TAFA1: variants seen among roughly 807,000 people sequenced by gnomAD.
The protein encoded by TAFA1 is TAFA chemokine like family member 1.
TAFA1 carries 4 observed loss-of-function variants against 18.5 expected under a neutral mutation model. The observed-to-expected ratio is 0.22, with a 90% CI of 0.11 to 0.49. The LOEUF is 0.49. Ranked by LOEUF, TAFA1 falls within the 20% of genes least tolerant of loss-of-function variation. The pLI is 0.98. For synonymous variants in TAFA1, 56 were observed against 55.2 expected, an observed-to-expected ratio of 1.01 and a Z score of -0.06; for missense variants, 147 against 169.0, an observed-to-expected ratio of 0.87 and a Z score of 0.72.
At chr3:67,992,751 TTCTC>T in the TAFA1 span, among the ~76,000 whole-genome samples, 1 of 152,192 alleles carries the variant, frequency 6.6e-6, no homozygotes, top group South Asian at 2.1e-4. Context: ...TTCTCCCTCC[TTCTC>T]TCTCTCCATC....
At chr3:68,426,634 A>G (rs947382277) in intron 3 of TAFA1, among the ~76,000 whole-genome samples, 1 of 151,900 alleles carries the variant, frequency 6.6e-6, no homozygotes, top group Admixed American at 6.6e-5. Context: ...AGACAAAAAA[A>G]TTACATTTAA....
chr3:68,310,122 A>G (rs530564712), intron 2 of TAFA1, among the ~76,000 whole-genome samples: 25 of 152,328 alleles, frequency 1.6e-4, no homozygotes, highest in African/African-American at 5.8e-4. Flanking sequence ...AATTTTTAAG[A>G]TTCAAGTACA....
intron 2 of TAFA1, among the ~76,000 whole-genome samples, chr3:68,383,192 G>C (rs546909386): frequency 6.6e-6 from 1 of 152,074 alleles, no homozygotes; most frequent in East Asian, 1.9e-4. Flanking sequence ...TCTGTTGTCT[G>C]ATTTCACCAG....
chr3:68,479,241 AATAT>A (rs397989986), intron 3 of TAFA1, among the ~76,000 whole-genome samples: 3 of 123,662 alleles, frequency 2.4e-5, no homozygotes, highest in African/African-American at 1.1e-4. Context: ...AAAAAAAAAA[AATAT>A]ATATATATAT....
chr3:68,218,199 T>G (rs1175946170), intron 2 of TAFA1, among the ~76,000 whole-genome samples: 2 of 152,084 alleles, frequency 1.3e-5, no homozygotes, highest in East Asian at 3.9e-4. Flanking sequence ...GTCCCAAGAT[T>G]TTCATTTCTT....
chr3:68,500,883 G>T (rs1393530188), intron 3 of TAFA1, among the ~76,000 whole-genome samples: 1 of 151,870 alleles, frequency 6.6e-6, no homozygotes, highest in African/African-American at 2.4e-5. Context: ...GGGGGAAAAT[G>T]GGCCAGGCAT....
At chr3:68,455,410 C>G (rs574974605) in intron 3 of TAFA1, among the ~76,000 whole-genome samples, 1 of 152,186 alleles carries the variant, frequency 6.6e-6, no homozygotes, top group South Asian at 2.1e-4. Context: ...TCTCTACCCA[C>G]CATTTGCTTT....
At chr3:68,462,541 T>C (rs2106926703) in intron 3 of TAFA1, among the ~76,000 whole-genome samples, 1 of 152,322 alleles carries the variant, frequency 6.6e-6, no homozygotes. Flanking sequence ...TATGCTGTAT[T>C]GACTATGTCT....
chr3:68,430,731 A>G (rs753619158), intron 3 of TAFA1, among the ~76,000 whole-genome samples: 28 of 151,982 alleles, frequency 1.8e-4, no homozygotes, highest in Non-Finnish European at 2.9e-4. Flanking sequence ...TGTTACCCAC[A>G]CAGGGTTGCT....
intron 2 of TAFA1, among the ~76,000 whole-genome samples, chr3:68,057,353 T>C (rs1044634576): frequency 1.3e-5 from 2 of 152,182 alleles, no homozygotes; most frequent in African/African-American, 2.4e-5. Context: ...AAAGAGGTGA[T>C]CCTGTGTATT....
intron 3 of TAFA1, among the ~76,000 whole-genome samples, chr3:68,446,205 C>A (rs1399279152): frequency 6.6e-6 from 1 of 152,074 alleles, no homozygotes; most frequent in Non-Finnish European, 1.5e-5. Flanking sequence ...CCATGCCTGG[C>A]CTATTTTTAT....
intron 2 of TAFA1, among the ~76,000 whole-genome samples, chr3:68,207,680 T>G (rs2066543759): frequency 6.6e-6 from 1 of 151,946 alleles, no homozygotes; most frequent in Non-Finnish European, 1.5e-5. Flanking sequence ...GCAATAAAAA[T>G]TTCATTAAAA....
At chr3:68,167,962 G>T (rs1287804250) in intron 2 of TAFA1, among the ~76,000 whole-genome samples, 3 of 152,016 alleles carry the variant, frequency 2.0e-5, no homozygotes, top group Non-Finnish European at 2.9e-5. Context: ...TTAAGAATCT[G>T]TGAAGACAAC....
intron 2 of TAFA1, among the ~76,000 whole-genome samples, chr3:68,135,930 G>C (rs921625358): frequency 6.6e-6 from 1 of 152,088 alleles, no homozygotes; most frequent in African/African-American, 2.4e-5. Flanking sequence ...GGGAAATTTT[G>C]CTGAAGTCTA....
intron 2 of TAFA1, among the ~76,000 whole-genome samples, chr3:68,150,863 A>T (rs2065799178): frequency 6.6e-6 from 1 of 152,168 alleles, no homozygotes; most frequent in Admixed American, 6.5e-5. Context: ...TAACAGTAAT[A>T]GCTACTTTTG....
intron 2 of TAFA1, among the ~76,000 whole-genome samples, chr3:68,070,234 C>T (rs946838546): frequency 6.6e-6 from 1 of 152,356 alleles, no homozygotes; most frequent in East Asian, 1.9e-4. Context: ...AGATGAGGTT[C>T]CCAAACCTCA....
intron 2 of TAFA1, among the ~76,000 whole-genome samples, chr3:68,416,272 T>C (rs1406128035): frequency 1.3e-5 from 2 of 152,200 alleles, no homozygotes; most frequent in Non-Finnish European, 2.9e-5. Flanking sequence ...CACAATGTTT[T>C]CTAAGTGTCC....
At chr3:68,234,832 G>C (rs1371859279) in intron 2 of TAFA1, among the ~76,000 whole-genome samples, 1 of 152,090 alleles carries the variant, frequency 6.6e-6, no homozygotes, top group Non-Finnish European at 1.5e-5. Context: ...TCACATAAAG[G>C]CAAAGTGGCA....
chr3:68,050,633 G>C (rs903087935), intron 2 of TAFA1, among the ~76,000 whole-genome samples: 22 of 152,094 alleles, frequency 1.4e-4, no homozygotes, highest in African/African-American at 4.8e-4. Flanking sequence ...TAAGAGCCTC[G>C]ATCCCAGATA....
Sources: gnomAD v4.1 joint callset for allele counts (sites outside exome capture counted in the v4.1 genomes callset) on GRCh38, gnomAD v4.1.1 for gene constraint, MANE v1.5 for transcripts, NCBI Gene and HGNC (gene_info 2026-07-23, HGNC 2026-07-21) for gene names.